Variants in DENND5B observed in about 807,000 individuals in gnomAD.
The protein encoded by DENND5B is DENN domain-containing protein 5B.
DENND5B carries 34 observed loss-of-function variants against 140.6 expected under a neutral mutation model. The observed-to-expected ratio is 0.24, with a 90% confidence interval of 0.18 to 0.32. The LOEUF (loss-of-function observed/expected upper bound fraction) is 0.32, where lower values mean the gene tolerates loss of function less well. Among genes scored for constraint, DENND5B ranks in the 10% least tolerant of loss-of-function variants. The pLI is 1.00. For synonymous variants in DENND5B, 551 were observed against 562.1 expected, an observed-to-expected ratio of 0.98 and a Z score of 0.28; for missense variants, 1,142 against 1,560.2, an observed-to-expected ratio of 0.73 and a Z score of 4.52.
chr12:31,540,792 C>A, intron 1 of DENND5B: 1 of 157,582 alleles, frequency 6.3e-6, no homozygotes. Flanking sequence ...TATTACCTGA[C>A]TTCAAATTAT....
chr12:31,412,796 T>C (rs1942533992), intron 13 of DENND5B, among the ~76,000 whole-genome samples: 1 of 152,208 alleles, frequency 6.6e-6, no homozygotes, highest in African/African-American at 2.4e-5. Context: ...ATACAACCTG[T>C]ATACAGGTTT....
chr12:31,505,004 C>T (rs566699530), intron 1 of DENND5B, among the ~76,000 whole-genome samples: 4 of 152,256 alleles, frequency 2.6e-5, no homozygotes, highest in South Asian at 2.1e-4. Context: ...TTACACTAAA[C>T]GTGAATGAGA....
intron 7 of DENND5B, among the ~76,000 whole-genome samples, chr12:31,433,618 A>G (rs571803150): frequency 6.6e-6 from 1 of 152,292 alleles, no homozygotes; most frequent in African/African-American, 2.4e-5. Context: ...CTCAAAGTAA[A>G]TATTATGAAT....
At chr12:31,430,497 CAAAAAAAAAAA>C (rs71062432) in intron 8 of DENND5B, among the ~76,000 whole-genome samples, 7 of 56,070 alleles carry the variant, frequency 1.2e-4, no homozygotes, top group South Asian at 9.3e-4. Context: ...ACTAAAAATA[CAAAAAAAAAAA>C]AAAAAAAAAA....
chr12:31,513,705 A>G (rs1450589494), intron 1 of DENND5B, among the ~76,000 whole-genome samples: 2 of 152,210 alleles, frequency 1.3e-5, no homozygotes, highest in East Asian at 3.9e-4. Context: ...TGCCAGCAGT[A>G]TAAGGCTCAT....
chr12:31,485,118 C>T (rs1376470704), intron 2 of DENND5B, among the ~76,000 whole-genome samples: 1 of 152,156 alleles, frequency 6.6e-6, no homozygotes, highest in African/African-American at 2.4e-5. Flanking sequence ...CTCAGCAAAT[C>T]GATGAGATGC....
At chr12:31,511,457 A>G (rs1468723390) in intron 1 of DENND5B, among the ~76,000 whole-genome samples, 1 of 151,864 alleles carries the variant, frequency 6.6e-6, no homozygotes, top group South Asian at 2.1e-4. Context: ...TTAAAATAAA[A>G]TTTTTTCTCA....
chr12:31,533,712 C>T (rs1246842808), intron 1 of DENND5B, among the ~76,000 whole-genome samples: 1 of 152,166 alleles, frequency 6.6e-6, no homozygotes, highest in East Asian at 1.9e-4. Context: ...AAAGGTCATA[C>T]TGATTCACCA....
chr12:31,448,643 G>C (rs1470674586), intron 5 of DENND5B, among the ~76,000 whole-genome samples: 1 of 152,178 alleles, frequency 6.6e-6, no homozygotes, highest in Admixed American at 6.5e-5. Context: ...ATCAATAGAT[G>C]AGTGTTAAGC....
At chr12:31,557,674 G>GA (rs934835212) in intron 1 of DENND5B, among the ~76,000 whole-genome samples, 4 of 151,204 alleles carry the variant, frequency 2.6e-5, no homozygotes, top group African/African-American at 2.4e-5. Flanking sequence ...TTTAGCAATT[G>GA]AAAAAAAATA....
At chr12:31,471,291 T>C (rs879930857) in intron 3 of DENND5B, among the ~76,000 whole-genome samples, 5 of 152,060 alleles carry the variant, frequency 3.3e-5, no homozygotes, top group Non-Finnish European at 7.4e-5. Flanking sequence ...CCAGAGATCT[T>C]AGAGACACTC....
chr12:31,520,204 T>C (rs1243084074), intron 1 of DENND5B, among the ~76,000 whole-genome samples: 1 of 152,210 alleles, frequency 6.6e-6, no homozygotes, highest in East Asian at 1.9e-4. Flanking sequence ...CTTACAGATA[T>C]CAAAATGAAT....
chr12:31,382,266 A>G lies in DENND5B; in HGVS notation c.*5337T>C, dbSNP rs1437455095. The G allele has an allele frequency of 1.3e-5, 2 of 152,200 alleles. No individual in the cohort carries two copies. Among genetic ancestry groups the G allele is most frequent in the East Asian group, 3.8e-4 (2 of 5,202 alleles). 9.4% of individuals were successfully genotyped at this position (152,200 alleles called of 1,614,324 possible). A position where few individuals can be genotyped will look rare whatever the true frequency, so the allele number is the denominator to read the frequency against. On this transcript the variant is annotated 3_prime_UTR_variant, in exon 21 of 21. Transcript: ENST00000389082. ...TTTATTTGTAAAGAACAAAGCATGA[A>G]AAGTCATATTTAAATGTACTCCCAA...
At chr12:31,522,690 C>G (rs1947943093) in intron 1 of DENND5B, among the ~76,000 whole-genome samples, 1 of 152,182 alleles carries the variant, frequency 6.6e-6, no homozygotes, top group Non-Finnish European at 1.5e-5. Flanking sequence ...AGCGACACAC[C>G]TGCCCTGGCC....
intron 11 of DENND5B, among the ~76,000 whole-genome samples, chr12:31,422,068 C>T (rs1943048200): frequency 6.6e-6 from 1 of 152,000 alleles, no homozygotes; most frequent in Non-Finnish European, 1.5e-5. Context: ...ATAAATACTA[C>T]ATTTAGGATA....
At chr12:31,555,117 A>G (rs1949227700) in intron 1 of DENND5B, among the ~76,000 whole-genome samples, 1 of 152,108 alleles carries the variant, frequency 6.6e-6, no homozygotes, top group African/African-American at 2.4e-5. Context: ...GTTCCTTTGG[A>G]GGAGGAGAGG....
At chr12:31,555,899 G>T (rs191796717) in intron 1 of DENND5B, among the ~76,000 whole-genome samples, 1 of 152,138 alleles carries the variant, frequency 6.6e-6, no homozygotes, top group African/African-American at 2.4e-5. Flanking sequence ...TTTTAAGCCC[G>T]TTGGAAAAGC....
intron 1 of DENND5B, among the ~76,000 whole-genome samples, chr12:31,522,653 C>T (rs1150950): frequency 0.8 from 120,897 of 152,006 alleles, 48,519 homozygotes; most frequent in African/African-American, 0.89. Context: ...CACGTTACCC[C>T]GGCTGGTCTC....
chr12:31,551,631 T>A (rs534814350), intron 1 of DENND5B, among the ~76,000 whole-genome samples: 1 of 152,210 alleles, frequency 6.6e-6, no homozygotes, highest in Non-Finnish European at 1.5e-5. Flanking sequence ...GGGGATGGCA[T>A]TGAATCTATA....
Sources: gnomAD v4.1 joint callset for allele counts (sites outside exome capture counted in the v4.1 genomes callset) on GRCh38, gnomAD v4.1.1 for gene constraint, MANE v1.5 for transcripts, NCBI Gene and HGNC (gene_info 2026-07-23, HGNC 2026-07-21) for gene names.